Variants in NRF1 observed in about 807,000 individuals in gnomAD.
NRF1 encodes the protein nuclear respiratory factor 1.
In NRF1, 5 loss-of-function variants were observed where a neutral mutation model predicts 58.5. The observed-to-expected ratio is 0.09, with a 90% confidence interval of 0.04 to 0.18. The LOEUF is 0.18. NRF1 is among the 10% of genes least tolerant of loss of function. The pLI, the probability that NRF1 is intolerant of heterozygous loss-of-function variation, is 1.00. For synonymous variants in NRF1, 224 were observed against 246.7 expected (o/e 0.91, Z 0.86); for missense variants, 288 against 657.7 (o/e 0.44, Z 6.15).
intron 10 of NRF1, among the ~76,000 whole-genome samples, chr7:129,751,938 A>G (rs920524279): frequency 6.6e-6 from 1 of 152,198 alleles, no homozygotes; most frequent in African/African-American, 2.4e-5. Context: ...ATATACACTC[A>G]GTCCCATGCC....
chr7:129,709,740 T>A (rs1803029848), intron 6 of NRF1, among the ~76,000 whole-genome samples: 1 of 149,108 alleles, frequency 6.7e-6, no homozygotes, highest in Admixed American at 6.7e-5. Context: ...TTTTTTTTTT[T>A]TTTTTTTGAG....
intron 10 of NRF1, among the ~76,000 whole-genome samples, chr7:129,752,529 ATGTT>A (rs143043715): frequency 0.016 from 2,375 of 152,196 alleles, 58 homozygotes; most frequent in African/African-American, 0.055. Flanking sequence ...TGGAATTTAA[ATGTT>A]TGAGATGAGG....
At chr7:129,684,273 A>G (rs919009060) in intron 4 of NRF1, among the ~76,000 whole-genome samples, 1 of 152,204 alleles carries the variant, frequency 6.6e-6, no homozygotes, top group African/African-American at 2.4e-5. Context: ...GCTAATGAGG[A>G]AAAGGGAGAA....
chr7:129,639,175 T>C (rs570909673), intron 1 of NRF1, among the ~76,000 whole-genome samples: 1 of 152,076 alleles, frequency 6.6e-6, no homozygotes, highest in Non-Finnish European at 1.5e-5. Context: ...TCCTCCCTTC[T>C]CAGCCTCCCG....
Position 129,709,124 on chromosome 7 carries a change from G to A in NRF1, c.656G>A (p.Arg219Gln), listed in dbSNP as rs1803014149. The change falls in exon 6 of 11, where the codon CGG becomes CAG. Residue 219 changes from arginine (R) to glutamine (Q), a missense_variant. By Grantham distance (43) the Arg-to-Gln change is conservative. Around this residue, in one of 3 missense-constraint regions of NRF1, gnomAD observed 212 missense variants for 559.7 expected, o/e 0.38. Coordinates refer to ENST00000393232, the MANE Select transcript of NRF1 (RefSeq NM_005011.5). ...GAGATGCTCAAGTACTCTACAGGTC[G>A]GGGAAAACCAGGCTGGGGGAAAGAA... ...IPEMLKYSTG[R>Q]GKPGWGKESC... The A allele has an allele frequency of 6.3e-7, 1 of 1,597,230 alleles. No individual in the cohort carries two copies. Among genetic ancestry groups the A allele is most frequent in the Non-Finnish European group, 8.5e-7 (1 of 1,171,018 alleles).
intron 3 of NRF1, among the ~76,000 whole-genome samples, chr7:129,672,568 A>G (rs1392749734): frequency 2.0e-5 from 3 of 152,198 alleles, no homozygotes; most frequent in African/African-American, 7.2e-5. Flanking sequence ...CTTAAAACCA[A>G]CATGGCAGCA....
intron 9 of NRF1, among the ~76,000 whole-genome samples, chr7:129,720,492 A>G (rs921252500): frequency 6.6e-6 from 1 of 152,238 alleles, no homozygotes; most frequent in East Asian, 1.9e-4. Flanking sequence ...TATGATGACA[A>G]AGCAGTTTCA....
At chr7:129,693,227 T>G (rs918990909) in intron 5 of NRF1, among the ~76,000 whole-genome samples, 2 of 152,234 alleles carry the variant, frequency 1.3e-5, no homozygotes, top group Admixed American at 6.5e-5. Flanking sequence ...GGCAGTTGTT[T>G]ACTCAGTGTG....
chr7:129,755,111 C>G lies in NRF1; in HGVS notation c.1442C>G (p.Thr481Ser), dbSNP rs1386696395. 1 of 1,613,984 alleles carries G rather than the reference C, an allele frequency of 6.2e-7. No homozygotes were observed. The highest frequency in any genetic ancestry group is 1.7e-5 in the Admixed American group (1 of 59,996). The change falls in exon 11 of 11, where the codon ACC becomes AGC. Residue 481 changes from threonine (T) to serine (S), a missense_variant. Thr to Ser is a moderately conservative substitution (Grantham distance 58, BLOSUM62 1). Coordinates refer to ENST00000393232, the MANE Select transcript of NRF1 (RefSeq NM_005011.5). The surrounding 1 kb of genome is among the most constrained non-coding windows in gnomAD (Gnocchi z 5.8). ...GPVQVAMAPVTTRISDSAVTM... is the reference protein window; with the variant it reads ...GPVQVAMAPVSTRISDSAVTM... Reference sequence around the variant, plus strand: ...GTGCAGGTGGCCATGGCCCCTGTGACCACCAGGATATCAGACAGCGCAGTC... The same window carrying G: ...GTGCAGGTGGCCATGGCCCCTGTGAGCACCAGGATATCAGACAGCGCAGTC...
chr7:129,752,409 T>A (rs959066693), intron 10 of NRF1, among the ~76,000 whole-genome samples: 1 of 150,786 alleles, frequency 6.6e-6, no homozygotes, highest in Non-Finnish European at 1.5e-5. Context: ...TGTGAGAGAG[T>A]GAGGGAGATG....
chr7:129,654,182 G>T (rs1045937213), intron 1 of NRF1, among the ~76,000 whole-genome samples: 1 of 152,196 alleles, frequency 6.6e-6, no homozygotes, highest in Admixed American at 6.5e-5. Flanking sequence ...GATGCGTAGT[G>T]ATATCTCACT....
At chr7:129,652,432 A>G (rs1801557691) in intron 1 of NRF1, among the ~76,000 whole-genome samples, 1 of 152,204 alleles carries the variant, frequency 6.6e-6, no homozygotes, top group South Asian at 2.1e-4. Flanking sequence ...TAAAATACAT[A>G]TGCCTTTTGA....
chr7:129,655,282 C>T (rs1217441677), intron 1 of NRF1, among the ~76,000 whole-genome samples: 1 of 152,084 alleles, frequency 6.6e-6, no homozygotes, highest in Non-Finnish European at 1.5e-5. Context: ...TTTAGGAAAA[C>T]AACCTTGTCC....
chr7:129,652,692 G>A (rs1801564190), intron 1 of NRF1, among the ~76,000 whole-genome samples: 2 of 152,152 alleles, frequency 1.3e-5, no homozygotes, highest in African/African-American at 2.4e-5. Context: ...CCGGGTTCAC[G>A]CCATTCTCCT....
intron 1 of NRF1, among the ~76,000 whole-genome samples, chr7:129,640,488 T>G (rs1801265111): frequency 6.6e-6 from 1 of 151,986 alleles, no homozygotes; most frequent in Non-Finnish European, 1.5e-5. Context: ...CCAGCCTAGG[T>G]GATTGAGTGA....
At chr7:129,631,956 A>G (rs780141202) in intron 1 of NRF1, among the ~76,000 whole-genome samples, 2 of 152,144 alleles carry the variant, frequency 1.3e-5, no homozygotes, top group African/African-American at 2.4e-5. Context: ...TGACCTTCAG[A>G]ACTGCTTTAA....
intron 1 of NRF1, among the ~76,000 whole-genome samples, chr7:129,624,708 C>T (rs991588126): frequency 6.6e-5 from 10 of 152,012 alleles, no homozygotes; most frequent in Non-Finnish European, 1.5e-4. Context: ...TTGGAGACAA[C>T]GTCTCTGTGT....
At chr7:129,685,832 T>C (rs1281308672) in intron 4 of NRF1, among the ~76,000 whole-genome samples, 1 of 151,638 alleles carries the variant, frequency 6.6e-6, no homozygotes, top group Admixed American at 6.6e-5. Context: ...GAAGCAGATT[T>C]ATGTGGTGGC....
intron 5 of NRF1, among the ~76,000 whole-genome samples, chr7:129,691,597 C>T (rs1159932862): frequency 2.0e-5 from 3 of 151,930 alleles, no homozygotes; most frequent in South Asian, 2.1e-4. Context: ...TCATGTGATC[C>T]GCCTGCCTCG....
Sources: gnomAD v4.1 joint callset for allele counts (sites outside exome capture counted in the v4.1 genomes callset) on GRCh38, gnomAD v4.1.1 for gene constraint, gnomAD v4.1.1 regional missense constraint, Gnocchi (gnomAD v3.1) non-coding constraint, MANE v1.5 for transcripts, NCBI Gene and HGNC (gene_info 2026-07-23, HGNC 2026-07-21) for gene names.